Variants in CNTN5 observed in about 807,000 individuals in gnomAD.
CNTN5 encodes contactin-5.
In CNTN5, 77 loss-of-function variants were observed where a neutral mutation model predicts 129.1. That is an observed-to-expected ratio of 0.60 (90% CI 0.50 to 0.72). The LOEUF (loss-of-function observed/expected upper bound fraction) is 0.72, where lower values mean the gene tolerates loss of function less well. CNTN5 is among the 30% of genes least tolerant of loss of function. The pLI, the probability that CNTN5 is intolerant of heterozygous loss-of-function variation, is 0.00. For missense variants in CNTN5, 1,478 were observed against 1,328.8 expected (o/e 1.11, Z -1.75); for synonymous variants, 509 against 465.6 (o/e 1.09, Z -1.20).
chr11:99,637,861 C>G (rs532397435), intron 3 of CNTN5, among the ~76,000 whole-genome samples: 1 of 152,012 alleles, frequency 6.6e-6, no homozygotes, highest in Non-Finnish European at 1.5e-5. Flanking sequence ...TTTTAATCCT[C>G]CTGTGTCTCT....
chr11:99,896,994 G>T (rs188138065), intron 6 of CNTN5, among the ~76,000 whole-genome samples: 1 of 152,072 alleles, frequency 6.6e-6, no homozygotes, highest in Non-Finnish European at 1.5e-5. Context: ...CCAGTGACCC[G>T]GGTACCAGCC....
chr11:99,956,683 C>A (rs1163331369), intron 7 of CNTN5, 123 bp from the exon 8 acceptor site: 3 of 644,130 alleles, frequency 4.7e-6, no homozygotes, highest in East Asian at 5.5e-5. Flanking sequence ...TATATAGATA[C>A]ATGGATCAAA....
At chr11:99,809,277 C>G (rs1946361647) in intron 3 of CNTN5, among the ~76,000 whole-genome samples, 1 of 152,168 alleles carries the variant, frequency 6.6e-6, no homozygotes, top group African/African-American at 2.4e-5. Context: ...ATAGTTTTAT[C>G]TGAGTGGCTC....
chr11:99,809,468 A>G (rs1330606562), intron 3 of CNTN5, among the ~76,000 whole-genome samples: 1 of 152,164 alleles, frequency 6.6e-6, no homozygotes, highest in South Asian at 2.1e-4. Flanking sequence ...CGTTAAATAA[A>G]TTTTAAATCC....
At chr11:99,468,529 A>T (rs993378869) in intron 2 of CNTN5, among the ~76,000 whole-genome samples, 3 of 152,132 alleles carry the variant, frequency 2.0e-5, no homozygotes, top group Admixed American at 1.3e-4. Flanking sequence ...ACTGGTCTAT[A>T]TGATGGATGG....
At chr11:99,388,487 A>C (rs2136180644) in intron 2 of CNTN5, among the ~76,000 whole-genome samples, 1 of 151,604 alleles carries the variant, frequency 6.6e-6, no homozygotes, top group South Asian at 2.1e-4. Flanking sequence ...CTTGTAAACT[A>C]CTTGAAAGCA....
At chr11:99,410,241 C>G (rs1037482807) in intron 2 of CNTN5, among the ~76,000 whole-genome samples, 1 of 152,080 alleles carries the variant, frequency 6.6e-6, no homozygotes, top group African/African-American at 2.4e-5. Context: ...AATTTAAGTT[C>G]AATACACAAG....
At chr11:100,115,722 A>G (rs971392933) in intron 13 of CNTN5, among the ~76,000 whole-genome samples, 4 of 152,036 alleles carry the variant, frequency 2.6e-5, no homozygotes, top group Non-Finnish European at 5.9e-5. Context: ...TAAATCATAA[A>G]ATGTTAGTGG....
At chr11:99,779,127 A>C (rs1032211383) in intron 3 of CNTN5, among the ~76,000 whole-genome samples, 6 of 151,960 alleles carry the variant, frequency 3.9e-5, no homozygotes, top group Non-Finnish European at 5.9e-5. Flanking sequence ...TATTATGAAT[A>C]CTTTATAAAC....
intron 3 of CNTN5, among the ~76,000 whole-genome samples, chr11:99,806,816 C>CA (rs34469797): frequency 0.5 from 63,879 of 128,548 alleles, 15,569 homozygotes; most frequent in East Asian, 0.68. Context: ...CCACCCCCTG[C>CA]AAAAAAAAAA....
chr11:99,669,885 T>A (rs558284789), intron 3 of CNTN5, among the ~76,000 whole-genome samples: 1 of 152,256 alleles, frequency 6.6e-6, no homozygotes, highest in South Asian at 2.1e-4. Flanking sequence ...TCATAAGCAA[T>A]AATGAAATAT....
At chr11:99,861,023 T>A (rs1411520229) in intron 6 of CNTN5, among the ~76,000 whole-genome samples, 4 of 142,620 alleles carry the variant, frequency 2.8e-5, no homozygotes, top group Non-Finnish European at 3.0e-5. Flanking sequence ...TGGCGCAATC[T>A]CATCTCACTG....
At chr11:99,507,434 A>C (rs1180014912) in intron 2 of CNTN5, among the ~76,000 whole-genome samples, 1 of 151,480 alleles carries the variant, frequency 6.6e-6, no homozygotes, top group Non-Finnish European at 1.5e-5. Flanking sequence ...CATTAAATAT[A>C]ATGTATATTG....
chr11:99,158,414 G>A (rs1001001601), intron 1 of CNTN5, among the ~76,000 whole-genome samples: 1 of 152,046 alleles, frequency 6.6e-6, no homozygotes, highest in Non-Finnish European at 1.5e-5. Context: ...TCTGGGCTAC[G>A]TTTTATTTTT....
At chr11:99,512,912 G>A (rs77747046) in intron 2 of CNTN5, among the ~76,000 whole-genome samples, 7,819 of 152,150 alleles carry the variant, frequency 0.051, 203 homozygotes, top group South Asian at 0.082. Flanking sequence ...AGGAAAAATA[G>A]CATGTTTCTC....
intron 1 of CNTN5, among the ~76,000 whole-genome samples, chr11:99,079,418 T>G (rs775081757): frequency 4.6e-5 from 7 of 151,954 alleles, no homozygotes; most frequent in Non-Finnish European, 1.0e-4. Flanking sequence ...AAAAAAAAAG[T>G]GGAGTAGCAT....
chr11:99,713,931 C>G (rs1281065271), intron 3 of CNTN5, among the ~76,000 whole-genome samples: 1 of 151,834 alleles, frequency 6.6e-6, no homozygotes, highest in Non-Finnish European at 1.5e-5. Context: ...GTCAGATATT[C>G]TTAATAGAAT....
intron 2 of CNTN5, among the ~76,000 whole-genome samples, chr11:99,406,391 C>T (rs1490650088): frequency 2.1e-5 from 2 of 94,108 alleles, no homozygotes; most frequent in Non-Finnish European, 3.9e-5. Context: ...TACTTTGTCC[C>T]AAACAGAGTC....
intron 1 of CNTN5, among the ~76,000 whole-genome samples, chr11:99,277,539 C>A (rs1863497259): frequency 6.6e-6 from 1 of 151,654 alleles, no homozygotes; most frequent in South Asian, 2.1e-4. Context: ...ATTGTGCTGA[C>A]AACATTGTTT....
Sources: allele counts gnomAD v4.1 joint callset (sites outside exome capture counted in the v4.1 genomes callset), GRCh38; gene constraint gnomAD v4.1.1; transcripts MANE v1.5; gene names NCBI Gene and HGNC (gene_info 2026-07-23, HGNC 2026-07-21).